Variants in PIP5K1B observed in about 807,000 individuals in gnomAD.
PIP5K1B encodes phosphatidylinositol 4-phosphate 5-kinase type-1 beta.
In PIP5K1B, 42 loss-of-function variants were observed where a neutral mutation model predicts 67.0. The ratio of observed to expected loss-of-function variants is 0.63; its 90% confidence interval spans 0.49 to 0.81. The LOEUF (loss-of-function observed/expected upper bound fraction) is 0.81, where lower values mean the gene tolerates loss of function less well. PIP5K1B is among the 30% of genes least tolerant of loss of function. The probability of loss-of-function intolerance (pLI) is 0.00; values close to 1 mark genes in which losing one functional copy is unlikely to be tolerated. For synonymous variants in PIP5K1B, 214 were observed against 231.4 expected, an observed-to-expected ratio of 0.92 and a Z score of 0.68; for missense variants, 459 against 646.3, an observed-to-expected ratio of 0.71 and a Z score of 3.14.
chr9:68,853,160 T>C (rs904267958), intron 4 of PIP5K1B, among the ~76,000 whole-genome samples: 1 of 152,168 alleles, frequency 6.6e-6, no homozygotes, highest in African/African-American at 2.4e-5. Flanking sequence ...GAGCAATCCA[T>C]TGATGCAGCT....
intron 4 of PIP5K1B, among the ~76,000 whole-genome samples, chr9:68,848,395 C>A (rs965641817): frequency 6.6e-5 from 10 of 152,202 alleles, no homozygotes; most frequent in African/African-American, 2.4e-4. Context: ...ATTGCAGTTT[C>A]TCCATATCTT....
chr9:68,941,700 T>A (rs890432663), intron 14 of PIP5K1B, among the ~76,000 whole-genome samples: 1 of 152,242 alleles, frequency 6.6e-6, no homozygotes, highest in Non-Finnish European at 1.5e-5. Context: ...GAAGAATTCC[T>A]TACGCTTTAA....
chr9:68,853,434 G>A (rs1390877872), intron 4 of PIP5K1B, among the ~76,000 whole-genome samples: 1 of 152,180 alleles, frequency 6.6e-6, no homozygotes, highest in Non-Finnish European at 1.5e-5. Context: ...GCTTGGGAGA[G>A]GGTCTGCCCA....
chr9:68,741,174 A>G (rs955035516), intron 1 of PIP5K1B, among the ~76,000 whole-genome samples: 1 of 152,230 alleles, frequency 6.6e-6, no homozygotes, highest in Non-Finnish European at 1.5e-5. Context: ...ATATCTAAGA[A>G]TGCCTAAAAC....
intron 15 of PIP5K1B, among the ~76,000 whole-genome samples, chr9:69,003,111 G>A (rs879796840): frequency 5.9e-5 from 9 of 152,112 alleles, no homozygotes; most frequent in Non-Finnish European, 1.0e-4. Context: ...ATATGGATTT[G>A]TGGTGATGTG....
intron 1 of PIP5K1B, among the ~76,000 whole-genome samples, chr9:68,726,239 C>T (rs10869245): frequency 0.57 from 86,445 of 151,832 alleles, 24,909 homozygotes; most frequent in East Asian, 0.69. Flanking sequence ...TCTCATGCGC[C>T]CCATAAATAT....
At chr9:68,848,770 A>G (rs1191299027) in intron 4 of PIP5K1B, among the ~76,000 whole-genome samples, 1 of 152,258 alleles carries the variant, frequency 6.6e-6, no homozygotes. Flanking sequence ...GGACTATTTT[A>G]CAAATGCAGT....
chr9:68,889,562 G>A (rs548346523), intron 7 of PIP5K1B, among the ~76,000 whole-genome samples: 3 of 151,644 alleles, frequency 2.0e-5, no homozygotes, highest in East Asian at 1.9e-4. Context: ...GTGAAACCCC[G>A]TCTCTACTAA....
At chr9:68,942,658 T>C (rs750836655) in intron 14 of PIP5K1B, among the ~76,000 whole-genome samples, 2 of 152,204 alleles carry the variant, frequency 1.3e-5, no homozygotes, top group Non-Finnish European at 1.5e-5. Flanking sequence ...TTCTTGATGC[T>C]TTTATTTACA....
chr9:68,803,629 T>C (rs1431306984), intron 2 of PIP5K1B, among the ~76,000 whole-genome samples: 1 of 152,252 alleles, frequency 6.6e-6, no homozygotes, highest in Non-Finnish European at 1.5e-5. Context: ...ACTTCCCAAC[T>C]GAGTTTGCCT....
chr9:68,883,320 T>C (rs1187868147), intron 6 of PIP5K1B, among the ~76,000 whole-genome samples: 2 of 152,226 alleles, frequency 1.3e-5, no homozygotes, highest in Non-Finnish European at 2.9e-5. Flanking sequence ...TGCAGTCTGA[T>C]AGCTATTTTT....
intron 2 of PIP5K1B, among the ~76,000 whole-genome samples, chr9:68,775,174 T>C (rs1188227213): frequency 1.3e-5 from 2 of 152,226 alleles, no homozygotes; most frequent in Non-Finnish European, 2.9e-5. Context: ...CCCACAAATT[T>C]AATGCCCTTT....
intron 2 of PIP5K1B, among the ~76,000 whole-genome samples, chr9:68,786,500 T>C (rs200372666): frequency 3.4e-5 from 5 of 147,022 alleles, no homozygotes; most frequent in African/African-American, 1.2e-4. Context: ...TATTATTAAC[T>C]TGAAGACCAT....
chr9:68,987,765 G>C (rs957056893), intron 14 of PIP5K1B, among the ~76,000 whole-genome samples: 2 of 152,104 alleles, frequency 1.3e-5, no homozygotes, highest in Non-Finnish European at 2.9e-5. Flanking sequence ...AGTGGCGAGG[G>C]AGAATGAGAG....
intron 6 of PIP5K1B, among the ~76,000 whole-genome samples, chr9:68,886,340 T>TA: frequency 6.6e-6 from 1 of 152,214 alleles, no homozygotes; most frequent in Non-Finnish European, 1.5e-5. Context: ...ACACTGAGCT[T>TA]AATAAAACCA....
chr9:68,761,493 C>CA (rs779576260), intron 2 of PIP5K1B, among the ~76,000 whole-genome samples: 8 of 152,194 alleles, frequency 5.3e-5, no homozygotes, highest in South Asian at 2.1e-4. Flanking sequence ...TAAAACAATG[C>CA]AAATGTATTA....
intron 1 of PIP5K1B, among the ~76,000 whole-genome samples, chr9:68,714,775 C>A (rs1827553409): frequency 6.6e-6 from 1 of 152,204 alleles, no homozygotes; most frequent in Non-Finnish European, 1.5e-5. Flanking sequence ...CAGTCAACTA[C>A]TTTTAAAGGA....
chr9:68,939,357 C>T (rs1827440412), intron 13 of PIP5K1B, among the ~76,000 whole-genome samples: 1 of 152,186 alleles, frequency 6.6e-6, no homozygotes, highest in Non-Finnish European at 1.5e-5. Context: ...CGAAGACCAG[C>T]TCCACCTACC....
chr9:68,995,108 C>T (rs558099415), intron 15 of PIP5K1B, among the ~76,000 whole-genome samples: 53 of 151,006 alleles, frequency 3.5e-4, no homozygotes, highest in African/African-American at 1.2e-3. Flanking sequence ...CTAGTCACTG[C>T]ACCCCAGCCT....
Sources: allele counts gnomAD v4.1 joint callset (sites outside exome capture counted in the v4.1 genomes callset), GRCh38; gene constraint gnomAD v4.1.1; transcripts MANE v1.5; gene names NCBI Gene and HGNC (gene_info 2026-07-23, HGNC 2026-07-21).